Variants in ZNF879 observed in about 807,000 individuals in gnomAD.
ZNF879 encodes zinc finger protein 879.
Under a neutral mutation model 44.3 loss-of-function variants are expected in ZNF879, and 32 were observed. That is an observed-to-expected ratio of 0.72 (90% CI 0.54 to 0.97). The LOEUF is 0.97. Ranked by LOEUF, ZNF879 falls within the 50% of genes least tolerant of loss-of-function variation. The pLI, the probability that ZNF879 is intolerant of heterozygous loss-of-function variation, is 0.00. For missense variants in ZNF879, 621 were observed against 669.7 expected (o/e 0.93, Z 0.80); for synonymous variants, 234 against 233.2 (o/e 1.00, Z -0.03).
chr5:179,032,993 TGTGGGAAA>T lies in ZNF879; in HGVS notation c.1047_1054del (p.Gly350LeufsTer9), dbSNP rs749639156. ...GGAGAAACCGTATGAATGTACTCAG[TGTGGGAAA>T]GCCTTCACTTCAATATCGCGGCTAA... On this transcript the variant is annotated frameshift_variant, in exon 5 of 5. Coordinates refer to ENST00000444149, the MANE Select transcript of ZNF879 (RefSeq NM_001136116.3). LOFTEE classifies it high-confidence loss of function. The T allele has an allele frequency of 5.8e-6, 9 of 1,556,538 alleles. No individual in the cohort carries two copies. Among genetic ancestry groups the T allele is most frequent in the Admixed American group, 2.0e-5 (1 of 51,218 alleles).
intron 4 of ZNF879, among the ~76,000 whole-genome samples, chr5:179,031,419 C>A (rs1422464041): frequency 6.6e-6 from 1 of 152,342 alleles, no homozygotes; most frequent in East Asian, 1.9e-4. Flanking sequence ...CTTTGTGTTA[C>A]TGTTCTTTCT....
rs1761485619 is a variant in ZNF879 at position 179,033,203 on chromosome 5, C to G, written c.1255C>G (p.Gln419Glu). The G allele has an allele frequency of 6.3e-7, 1 of 1,595,622 alleles. No individual in the cohort carries two copies. The highest frequency in any genetic ancestry group is 8.5e-7 in the Non-Finnish European group (1 of 1,170,708). ...CCAAAGCTCAGCTCTCATACAACAT[C>G]AAAGAATTCACACTGGAGAAAAACC... The part of the protein sequence containing the change: ...FSQSSALIQH[Q>E]RIHTGEKPYK... The change falls in exon 5 of 5, where the codon CAA becomes GAA. Residue 419 changes from glutamine to glutamate, a missense_variant. Coordinates refer to ENST00000444149, the MANE Select transcript of ZNF879 (RefSeq NM_001136116.3).
chr5:179,028,068 T>G lies in ZNF879; in HGVS notation c.197T>G (p.Leu66Ter). The G allele has an allele frequency of 6.4e-7, 1 of 1,551,446 alleles. No individual in the cohort carries two copies. The highest frequency in any genetic ancestry group is 8.7e-7 in the Non-Finnish European group (1 of 1,146,958). ...TCCAAGCCAAAGGTCATCTCCCAGTTAGAGCAAGGAGAAGACCCCTGGATG... is the reference window on the plus strand; with the variant it reads ...TCCAAGCCAAAGGTCATCTCCCAGTGAGAGCAAGGAGAAGACCCCTGGATG... The part of the protein sequence containing the change: ...LFSKPKVISQ[L>*]EQGEDPWMVE... The change falls in exon 4 of 5, where the codon TTA (leucine) becomes TGA (stop). Residue 66 changes from leucine (L) to a stop codon, truncating the protein, a stop_gained. Transcript: ENST00000444149. LOFTEE classifies it high-confidence loss of function.
chr5:179,028,052 A>C lies in ZNF879; in HGVS notation c.181A>C (p.Lys61Gln). 1 of 1,551,510 alleles carries C rather than the reference A, an allele frequency of 6.4e-7. No homozygotes were observed. The highest frequency in any genetic ancestry group is 1.2e-5 in the South Asian group (1 of 84,060). The stretch of plus-strand genomic sequence containing the variant: ...AACAGGGATTCTCTTTTCCAAGCCA[A>C]AGGTCATCTCCCAGTTAGAGCAAGG... ...VSLGILFSKP[K>Q]VISQLEQGED... is the part of the protein sequence containing the mutation. Residue 61 changes from lysine to glutamine, a missense_variant, in exon 4 of 5, where the codon AAG becomes CAG. Coordinates refer to ENST00000444149, the MANE Select transcript of ZNF879 (RefSeq NM_001136116.3).
chr5:179,032,352 A>G lies in ZNF879; in HGVS notation c.404A>G (p.Asn135Ser), dbSNP rs1234604098. 7.7e-6 allele frequency: 12 copies of G among 1,551,310 alleles called. No homozygotes were observed. Among genetic ancestry groups the G allele is most frequent in the Non-Finnish European group, 9.6e-6 (11 of 1,146,968 alleles). Residue 135 changes from asparagine (N) to serine (S), a missense_variant, in exon 5 of 5, where the codon AAC becomes AGC. Coordinates refer to ENST00000444149, the MANE Select transcript of ZNF879 (RefSeq NM_001136116.3). ...TTAGAGAAGCAACAAGGCAAAAAGA[A>G]CAGACTTTTCAGTAAAGTGTTAGTT... is the stretch of plus-strand genomic sequence containing the variant. The part of the protein sequence containing the change: ...DKLEKQQGKK[N>S]RLFSKVLVTI...
Position 179,033,250 on chromosome 5 carries a change from G to A in ZNF879, c.1302G>A (p.Gly434=), listed in dbSNP as rs1238111060. The A allele has an allele frequency of 8.8e-6, 14 of 1,589,968 alleles. No homozygotes were observed. The highest frequency in any genetic ancestry group is 1.2e-5 in the Non-Finnish European group (14 of 1,167,982). ...GEKPYKCNEC[G]KAFSWISRLN... ...AACCCTACAAATGTAATGAATGTGGGAAAGCCTTCTCTTGGATTTCACGGC... is the reference window on the plus strand; with the variant it reads ...AACCCTACAAATGTAATGAATGTGGAAAAGCCTTCTCTTGGATTTCACGGC... The change falls in exon 5 of 5, where the codon GGG becomes GGA. Residue 434 remains glycine, a synonymous_variant. Transcript: ENST00000444149.
At chr5:179,024,111 T>TCCTGGGCCGCAG (rs1181626727) in intron 1 of ZNF879, among the ~76,000 whole-genome samples, 2 of 152,154 alleles carry the variant, frequency 1.3e-5, no homozygotes, top group East Asian at 1.9e-4. Context: ...GCCGCTGGAC[T>TCCTGGGCCGCAG]CCTGGGCCGC....
rs568666692 is a variant in ZNF879, at chr5:179,028,084, C to T, written c.213C>T (p.Asp71=). The change falls in exon 4 of 5, where the codon GAC becomes GAT. Residue 71 remains aspartate, a synonymous_variant. Transcript: ENST00000444149. ...KVISQLEQGE[D]PWMVESGVPQ... The stretch of plus-strand genomic sequence containing the variant: ...TCTCCCAGTTAGAGCAAGGAGAAGA[C>T]CCCTGGATGGTGGAGAGTGGAGTTC... 77 of 1,551,416 alleles carry T rather than the reference C, an allele frequency of 5.0e-5. No individual in the cohort carries two copies. The highest frequency in any genetic ancestry group is 5.1e-5 in the Non-Finnish European group (59 of 1,146,960).
rs1761436397 is a variant in ZNF879, at chr5:179,032,229, T to C, written c.281T>C (p.Ile94Thr). 6.6e-7 allele frequency: 1 copy of C among 1,524,628 alleles called. No individual in the cohort carries two copies. Among genetic ancestry groups the C allele is most frequent in the Non-Finnish European group, 8.8e-7 (1 of 1,138,714 alleles). 94.4% of individuals were successfully genotyped at this position (1,524,628 alleles called of 1,614,324 possible). ...GGATGGGAAAGCTTGTTTGGAACCA[T>C]AGTTTCTAAAGAAGAAAATCAGGAA... ...HLGWESLFGT[I>T]VSKEENQEVM... The change falls in exon 5 of 5, where the codon ATA becomes ACA. Residue 94 changes from isoleucine (I) to threonine (T), a missense_variant. Transcript: ENST00000444149.
chr5:179,026,428 T>G (rs998165057), intron 2 of ZNF879, among the ~76,000 whole-genome samples: 1 of 152,246 alleles, frequency 6.6e-6, no homozygotes, highest in African/African-American at 2.4e-5. Flanking sequence ...CACTTCTTGT[T>G]GTTTTGCTTA....
chr5:179,027,560 G>T lies in ZNF879; in HGVS notation c.121G>T (p.Glu41Ter), dbSNP rs1448376188. ...CTCTGCCCAGAGAGCCTTGTACCGGGAGGTGATGCTGGAGAACTACAGCAT... is the reference window on the plus strand; with the variant it reads ...CTCTGCCCAGAGAGCCTTGTACCGGTAGGTGATGCTGGAGAACTACAGCAT... ...LDSAQRALYR[E>*]VMLENYSILV... Residue 41 changes from glutamate to a stop codon, truncating the protein, a stop_gained, in exon 3 of 5, where the codon GAG becomes TAG. Transcript: ENST00000444149. LOFTEE classifies it high-confidence loss of function. 6.2e-7 allele frequency: 1 copy of T among 1,614,154 alleles called. No homozygotes were observed. Among genetic ancestry groups the T allele is most frequent in the Admixed American group, 1.7e-5 (1 of 60,016 alleles).
At position 179,032,944 on chromosome 5, in the gene ZNF879, T is replaced by G; in HGVS notation, c.996T>G (p.Ile332Met). ...GRAFSQCSSL[I>M]QHHRIHTGEK... ...CCTTCAGTCAGTGCTCATCTCTCATTCAGCACCACAGAATTCATACTGGGG... is the reference window on the plus strand; with the variant it reads ...CCTTCAGTCAGTGCTCATCTCTCATGCAGCACCACAGAATTCATACTGGGG... Residue 332 changes from isoleucine (I) to methionine (M), a missense_variant, in exon 5 of 5, where the codon ATT becomes ATG. By Grantham distance (10) the Ile-to-Met change is conservative. Transcript: ENST00000444149. 1 of 1,561,394 alleles carries G rather than the reference T, an allele frequency of 6.4e-7. No homozygotes were observed. Among genetic ancestry groups the G allele is most frequent in the Non-Finnish European group, 8.7e-7 (1 of 1,152,796 alleles).
At position 179,032,745 on chromosome 5, in the gene ZNF879, G is replaced by T. The variant is rs1561737334; in HGVS notation, c.797G>T (p.Gly266Val). 6.4e-7 allele frequency: 1 copy of T among 1,554,772 alleles called. No individual in the cohort carries two copies. Among genetic ancestry groups the T allele is most frequent in the Non-Finnish European group, 8.7e-7 (1 of 1,148,988 alleles). The change falls in exon 5 of 5, where the codon GGA becomes GTA. Residue 266 changes from glycine (G) to valine (V), a missense_variant. Gly to Val is a moderately radical substitution (Grantham distance 109). Coordinates refer to ENST00000444149, the MANE Select transcript of ZNF879 (RefSeq NM_001136116.3). ...AAACCTTATATATGTAGTGAATGTG[G>T]AAAAGCCTTCAGTTTCACCACATCT... is the stretch of plus-strand genomic sequence containing the variant. ...GEKPYICSEC[G>V]KAFSFTTSLI...
At chr5:179,027,436 C>T (rs1352171784) in intron 2 of ZNF879, 37 bp from the exon 3 acceptor site, 1 of 1,610,634 alleles carries the variant, frequency 6.2e-7, no homozygotes, top group Non-Finnish European at 8.5e-7. Context: ...GTTGTGGGGA[C>T]AGTCCTGGAT....
At chr5:179,031,989 C>T (rs1022431046) in intron 4 of ZNF879, among the ~76,000 whole-genome samples, 2 of 152,146 alleles carry the variant, frequency 1.3e-5, no homozygotes, top group African/African-American at 4.8e-5. Context: ...CCTGGCTCTT[C>T]CTGTTGTCCC....
In ZNF879 at chr5:179,033,265, G is replaced by C; in HGVS notation, c.1317G>C (p.Trp439Cys). The C allele has an allele frequency of 1.9e-6, 3 of 1,584,194 alleles. No individual in the cohort carries two copies. Among genetic ancestry groups the C allele is most frequent in the Non-Finnish European group, 2.6e-6 (3 of 1,165,030 alleles). The change falls in exon 5 of 5, where the codon TGG becomes TGC. Residue 439 changes from tryptophan to cysteine, a missense_variant. Transcript: ENST00000444149. ...ATGAATGTGGGAAAGCCTTCTCTTG[G>C]ATTTCACGGCTTAATATACATCACA... Reference protein sequence around the residue: ...KCNECGKAFSWISRLNIHHRI... With the variant: ...KCNECGKAFSCISRLNIHHRI...
chr5:179,033,081 G>A lies in ZNF879; in HGVS notation c.1133G>A (p.Gly378Glu), dbSNP rs1321506295. 9.6e-6 allele frequency: 15 copies of A among 1,567,300 alleles called. No homozygotes were observed. The highest frequency in any genetic ancestry group is 1.2e-5 in the Non-Finnish European group (14 of 1,156,226). ...AAACCCTTTCATTGTAACGAGTGTGGAAAAGTATTCAGCTATCACTCAGCC... is the reference window on the plus strand; with the variant it reads ...AAACCCTTTCATTGTAACGAGTGTGAAAAAGTATTCAGCTATCACTCAGCC... The part of the protein sequence containing the change: ...GEKPFHCNEC[G>E]KVFSYHSALI... Residue 378 changes from glycine (G) to glutamate (E), a missense_variant, in exon 5 of 5, where the codon GGA (glycine) becomes GAA (glutamate). By Grantham distance (98) the Gly-to-Glu change is moderately conservative (BLOSUM62 -2). Transcript: ENST00000444149.
Position 179,028,026 on chromosome 5 carries a change from G to A in ZNF879, c.161-6G>A. The A allele has an allele frequency of 6.4e-7, 1 of 1,551,328 alleles. No homozygotes were observed. Among genetic ancestry groups the A allele is most frequent in the Admixed American group, 2.0e-5 (1 of 50,998 alleles). Reference sequence around the variant, plus strand: ...CCGCTCACGTTTCTTTCTTGTTCATGAACAGGGATTCTCTTTTCCAAGCCA... The same window carrying A: ...CCGCTCACGTTTCTTTCTTGTTCATAAACAGGGATTCTCTTTTCCAAGCCA... On this transcript the variant is annotated splice_polypyrimidine_tract_variant and splice_region_variant and intron_variant, in intron 3 of 4. Transcript: ENST00000444149.
intron 1 of ZNF879, chr5:179,024,687 C>G (rs1164274631): frequency 8.2e-6 from 3 of 366,472 alleles, no homozygotes; most frequent in African/African-American, 6.0e-5. Flanking sequence ...TGAGCCTTGC[C>G]TGATTCTGCC....
Sources: allele counts gnomAD v4.1 joint callset (sites outside exome capture counted in the v4.1 genomes callset), GRCh38; gene constraint gnomAD v4.1.1; transcripts MANE v1.5; gene names NCBI Gene and HGNC (gene_info 2026-07-23, HGNC 2026-07-21).